SUSD6: variants seen among roughly 807,000 people sequenced by gnomAD.
SUSD6 encodes the protein sushi domain-containing protein 6.
Under a neutral mutation model 28.4 loss-of-function variants are expected in SUSD6, and 16 were observed. That is an observed-to-expected ratio of 0.56 (90% CI 0.38 to 0.86). The LOEUF (loss-of-function observed/expected upper bound fraction) is 0.86, where lower values mean the gene tolerates loss of function less well. Among genes scored for constraint, SUSD6 ranks in the 40% least tolerant of loss-of-function variants. The pLI, the probability that SUSD6 is intolerant of heterozygous loss-of-function variation, is 0.00. For synonymous variants in SUSD6, 147 were observed against 159.6 expected (o/e 0.92, Z 0.59); for missense variants, 341 against 384.2 (o/e 0.89, Z 0.94).
chr14:69,622,381 C>T (rs979443645), intron 1 of SUSD6, among the ~76,000 whole-genome samples: 3 of 152,000 alleles, frequency 2.0e-5, no homozygotes, highest in East Asian at 3.9e-4. Flanking sequence ...TTGCCCAGGC[C>T]GGTCTTGAGC....
At chr14:69,660,056 C>A (rs1322647455) in intron 2 of SUSD6, among the ~76,000 whole-genome samples, 1 of 152,164 alleles carries the variant, frequency 6.6e-6, no homozygotes, top group Non-Finnish European at 1.5e-5. Context: ...ACATACATGG[C>A]AGTTTCCTTG....
intron 1 of SUSD6, among the ~76,000 whole-genome samples, chr14:69,643,394 G>A (rs146843720): frequency 1.3e-5 from 2 of 152,294 alleles, no homozygotes; most frequent in Non-Finnish European, 2.9e-5. Flanking sequence ...CACCTGCTAT[G>A]TCCAAAAGAA....
At chr14:69,643,911 G>A (rs1885388405) in intron 1 of SUSD6, among the ~76,000 whole-genome samples, 1 of 152,186 alleles carries the variant, frequency 6.6e-6, no homozygotes, top group Non-Finnish European at 1.5e-5. Flanking sequence ...CCTTTTGTGT[G>A]ACTCCAGAGA....
At chr14:69,612,090 G>T (rs1884885278) in intron 1 of SUSD6, among the ~76,000 whole-genome samples, 1 of 151,330 alleles carries the variant, frequency 6.6e-6, no homozygotes, top group South Asian at 2.1e-4. Flanking sequence ...GGGACCGGCG[G>T]CTGGTTTGCG....
At chr14:69,655,435 G>A (rs1215020668) in intron 1 of SUSD6, among the ~76,000 whole-genome samples, 4 of 152,112 alleles carry the variant, frequency 2.6e-5, no homozygotes, top group Admixed American at 2.6e-4. Context: ...GAACTGATAA[G>A]TCAGAGTATA....
At chr14:69,625,352 G>A (rs1885098900) in intron 1 of SUSD6, among the ~76,000 whole-genome samples, 1 of 152,230 alleles carries the variant, frequency 6.6e-6, no homozygotes, top group Non-Finnish European at 1.5e-5. Context: ...GGCAGTGAGT[G>A]TAACTTTACC....
At chr14:69,683,769 A>AAG (rs1555345812) in intron 2 of SUSD6, among the ~76,000 whole-genome samples, 1 of 152,196 alleles carries the variant, frequency 6.6e-6, no homozygotes, top group Non-Finnish European at 1.5e-5. Context: ...ATGAGGAAAA[A>AAG]TGTGTTTTGG....
intron 1 of SUSD6, among the ~76,000 whole-genome samples, chr14:69,619,942 G>A (rs8010868): frequency 0.016 from 2,458 of 152,304 alleles, 69 homozygotes; most frequent in African/African-American, 0.056. Flanking sequence ...CCTAAATGCA[G>A]CGTGAACACA....
At chr14:69,693,068 C>T (rs1325007683) in intron 2 of SUSD6, among the ~76,000 whole-genome samples, 3 of 152,216 alleles carry the variant, frequency 2.0e-5, no homozygotes, top group East Asian at 3.8e-4. Context: ...TGCTAATACA[C>T]GTGGAATAGC....
rs1252797771 is a variant in SUSD6, at chr14:69,709,014, A to G, written c.796A>G (p.Asn266Asp). Residue 266 changes from asparagine to aspartate, a missense_variant, in exon 5 of 6, where the codon AAC becomes GAC. Asn to Asp is a conservative substitution (Grantham distance 23). Transcript: ENST00000342745. ...TTSSWVAGSG[N>D]RQLAHKETAD... ...CTCTTCCTGGGTGGCCGGCTCAGGG[A>G]ACCGCCAACTGGCACACAAAGAAAC... is the stretch of plus-strand genomic sequence containing the variant. 1 of 1,614,070 alleles carries G rather than the reference A, an allele frequency of 6.2e-7. No individual in the cohort carries two copies. The highest frequency in any genetic ancestry group is 1.6e-4 in the Middle Eastern group (1 of 6,062).
At position 69,659,219 on chromosome 14, in the gene SUSD6, C is replaced by T. The variant is rs543185655; in HGVS notation, c.121+506C>T. 4.6e-5 allele frequency among the ~76,000 whole-genome samples: 7 copies of T among 152,250 alleles called. No individual in the cohort carries two copies. The South Asian group carries it at 8.3e-4, about 18-fold the overall frequency. On this transcript the variant is annotated intron_variant, in intron 2 of 5. Transcript: ENST00000342745. The stretch of plus-strand genomic sequence containing the variant: ...GATTGTTAGCTGTCTTTTGTTTGTT[C>T]GTCTTTCTGCGCTTTTTCTCAGAAT...
intron 1 of SUSD6, among the ~76,000 whole-genome samples, chr14:69,638,428 G>GTGTGTA (rs1340636008): frequency 7.4e-6 from 1 of 135,442 alleles, no homozygotes; most frequent in East Asian, 2.0e-4. Context: ...TGGGGAGTGT[G>GTGTGTA]TGTGTGTGTG....
chr14:69,703,281 G>A, intron 2 of SUSD6, 114 bp from the exon 3 acceptor site: 1 of 830,760 alleles, frequency 1.2e-6, no homozygotes. Context: ...TCCAAGGAAA[G>A]GGTTATTTCC....
At chr14:69,686,719 A>G (rs1886079166) in intron 2 of SUSD6, among the ~76,000 whole-genome samples, 1 of 152,230 alleles carries the variant, frequency 6.6e-6, no homozygotes, top group Admixed American at 6.5e-5. Context: ...AAATCTTGTG[A>G]GACCCATTCA....
rs10554011 is a variant in SUSD6 at position 69,619,598 on chromosome 14, GAAAA to G, written c.-81+7783_-81+7786del. On this transcript the variant is annotated intron_variant, in intron 1 of 5. Coordinates refer to ENST00000342745, the MANE Select transcript of SUSD6 (RefSeq NM_014734.4). ...CATAGTGAGAGTCCACATCTCTACA[GAAAA>G]AAAAAAAAAAAATTAAAAATTAGCT... Among the ~76,000 whole-genome samples, 3 of 119,142 alleles carry G rather than the reference GAAAA, an allele frequency of 2.5e-5. No individual in the cohort carries two copies. The East Asian group carries it at 7.4e-4, about 30-fold the overall frequency. The allele number at this position is 119,142 out of a possible 152,430, so 78.2% of individuals were successfully genotyped here.
chr14:69,708,621 T>C, intron 4 of SUSD6, 56 bp from the exon 5 acceptor site: 1 of 1,388,050 alleles, frequency 7.2e-7, no homozygotes, highest in Non-Finnish European at 9.8e-7. Flanking sequence ...TTATCATGCC[T>C]GTTTCTCTGT....
chr14:69,675,641 A>T (rs1456466265), intron 2 of SUSD6, among the ~76,000 whole-genome samples: 2 of 152,244 alleles, frequency 1.3e-5, no homozygotes, highest in South Asian at 4.1e-4. Flanking sequence ...GCTAATCACT[A>T]TTGGCAGTTG....
At chr14:69,671,704 T>C (rs1284794297) in intron 2 of SUSD6, among the ~76,000 whole-genome samples, 1 of 152,078 alleles carries the variant, frequency 6.6e-6, no homozygotes, top group African/African-American at 2.4e-5. Flanking sequence ...ATTGGAGAAG[T>C]TGGGGTGAGG....
intron 1 of SUSD6, among the ~76,000 whole-genome samples, chr14:69,622,957 G>C (rs1885063232): frequency 6.6e-6 from 1 of 152,216 alleles, no homozygotes; most frequent in Non-Finnish European, 1.5e-5. Flanking sequence ...TTACAAATGG[G>C]AAAGATAAGA....
Sources: gnomAD v4.1 joint callset for allele counts (sites outside exome capture counted in the v4.1 genomes callset) on GRCh38, gnomAD v4.1.1 for gene constraint, MANE v1.5 for transcripts, NCBI Gene and HGNC (gene_info 2026-07-23, HGNC 2026-07-21) for gene names.